The following LRRTM4 variants were observed in gnomAD, a reference collection of about 807,000 sequenced individuals.
LRRTM4 encodes leucine-rich repeat transmembrane neuronal protein 4.
In LRRTM4, 25 loss-of-function variants were observed where a neutral mutation model predicts 47.6. The ratio of observed to expected loss-of-function variants is 0.53; its 90% confidence interval spans 0.38 to 0.73. The LOEUF (loss-of-function observed/expected upper bound fraction) is 0.73. Ranked by LOEUF, LRRTM4 falls within the 30% of genes least tolerant of loss-of-function variation. The pLI, the probability that LRRTM4 is intolerant of heterozygous loss-of-function variation, is 0.00. For missense variants in LRRTM4, 638 were observed against 713.4 expected, an observed-to-expected ratio of 0.89 and a Z score of 1.20; for synonymous variants, 311 against 269.5, an observed-to-expected ratio of 1.15 and a Z score of -1.51.
At chr2:77,007,965 C>T (rs985144226) in intron 3 of LRRTM4, among the ~76,000 whole-genome samples, 1 of 151,842 alleles carries the variant, frequency 6.6e-6, no homozygotes, top group Non-Finnish European at 1.5e-5. Flanking sequence ...ACTGAAAATG[C>T]ACACTTTTAC....
At position 76,748,573 on chromosome 2, in the gene LRRTM4, T is replaced by C; in HGVS notation, c.*122A>G. 1.3e-6 allele frequency: 1 copy of C among 788,266 alleles called. No homozygotes were observed. Among genetic ancestry groups the C allele is most frequent in the Non-Finnish European group, 2.0e-6 (1 of 489,756 alleles). 48.8% of individuals were successfully genotyped at this position (788,266 alleles called of 1,614,324 possible). A position where few individuals can be genotyped will look rare whatever the true frequency, so the allele number is the denominator to read the frequency against. On this transcript the variant is annotated 3_prime_UTR_variant, in exon 4 of 4. Coordinates refer to ENST00000409884, the MANE Select transcript of LRRTM4 (RefSeq NM_001134745.3). Reference sequence around the variant, plus strand: ...TTCTCTTTTTCTTTTCTCTATGCCATAAATGTTTTAACAGGAACGATGAGC... The same window carrying C: ...TTCTCTTTTTCTTTTCTCTATGCCACAAATGTTTTAACAGGAACGATGAGC...
chr2:77,513,443 G>A (rs904693020), intron 3 of LRRTM4, among the ~76,000 whole-genome samples: 2 of 152,132 alleles, frequency 1.3e-5, no homozygotes, highest in African/African-American at 2.4e-5. Flanking sequence ...ACAGAGAAAC[G>A]AAGTGACAAG....
At chr2:77,356,467 G>A (rs1356666890) in intron 3 of LRRTM4, among the ~76,000 whole-genome samples, 1 of 152,066 alleles carries the variant, frequency 6.6e-6, no homozygotes, top group Non-Finnish European at 1.5e-5. Context: ...CTCAGAGTTA[G>A]AAAAAATGCA....
chr2:76,829,849 A>G (rs2103889619), intron 3 of LRRTM4, among the ~76,000 whole-genome samples: 1 of 152,186 alleles, frequency 6.6e-6, no homozygotes, highest in African/African-American at 2.4e-5. Context: ...TGGAAATCAT[A>G]ACCGTCACTT....
intron 3 of LRRTM4, among the ~76,000 whole-genome samples, chr2:76,761,592 A>G (rs1673256386): frequency 6.6e-6 from 1 of 152,164 alleles, no homozygotes; most frequent in South Asian, 2.1e-4. Context: ...TTCACAATCT[A>G]TTTCTTTTCT....
intron 3 of LRRTM4, among the ~76,000 whole-genome samples, chr2:77,261,226 AAG>A (rs2104040725): frequency 6.6e-6 from 1 of 152,252 alleles, no homozygotes; most frequent in African/African-American, 2.4e-5. Context: ...GTAGTGCAGA[AAG>A]AGAAAATATG....
intron 3 of LRRTM4, among the ~76,000 whole-genome samples, chr2:77,101,153 A>C (rs1252148182): frequency 2.6e-5 from 4 of 152,132 alleles, no homozygotes; most frequent in Admixed American, 6.6e-5. Flanking sequence ...TAGACTATAT[A>C]CAAAAATATT....
In LRRTM4 at chr2:77,052,716, G is replaced by A. The variant is rs899121402; in HGVS notation, c.1552-303800C>T. Among the ~76,000 whole-genome samples, 17 of 148,458 alleles carry A rather than the reference G, an allele frequency of 1.1e-4. 1 individual carries two copies. The highest frequency in any genetic ancestry group is 5.3e-4 in the Admixed American group (8 of 14,990). On this transcript the variant is annotated intron_variant, in intron 3 of 3. Coordinates refer to ENST00000409884, the MANE Select transcript of LRRTM4 (RefSeq NM_001134745.3). ...TTATTACAAGAACGTGTTTGTGTGC[G>A]TAGGGGTGTGTGTGTGTGTGCAAGT... is the stretch of plus-strand genomic sequence containing the variant.
At chr2:77,066,340 G>A (rs891679142) in intron 3 of LRRTM4, among the ~76,000 whole-genome samples, 6 of 152,126 alleles carry the variant, frequency 3.9e-5, no homozygotes, top group Non-Finnish European at 7.4e-5. Context: ...AAGGGACTTA[G>A]GACAACAGTG....
intron 3 of LRRTM4, among the ~76,000 whole-genome samples, chr2:76,780,244 G>A (rs1260468062): frequency 6.6e-6 from 1 of 152,100 alleles, no homozygotes; most frequent in African/African-American, 2.4e-5. Flanking sequence ...TTGTCTTGGA[G>A]TTGCTCTTCT....
intron 3 of LRRTM4, among the ~76,000 whole-genome samples, chr2:76,767,833 C>T (rs1380694426): frequency 2.0e-5 from 3 of 152,100 alleles, no homozygotes; most frequent in Non-Finnish European, 4.4e-5. Context: ...TCTCTGGCAC[C>T]TAAATGTTAA....
chr2:77,501,855 G>T (rs72923926), intron 3 of LRRTM4, among the ~76,000 whole-genome samples: 1 of 151,156 alleles, frequency 6.6e-6, no homozygotes, highest in African/African-American at 2.4e-5. Flanking sequence ...ATAAGAAATT[G>T]CATGTGTCAC....
rs538174968 is a variant in LRRTM4 at position 76,793,455 on chromosome 2, A to G, written c.1552-44539T>C. ...AAAGAATCAAGTATTTTTTTTTCAG[A>G]CTGACTTTGTTCTATCTACTTTAAG... On this transcript the variant is annotated intron_variant, in intron 3 of 3. Coordinates refer to ENST00000409884, the MANE Select transcript of LRRTM4 (RefSeq NM_001134745.3). Among the ~76,000 whole-genome samples, 6 of 152,016 alleles carry G rather than the reference A, an allele frequency of 3.9e-5. No homozygotes were observed. In the East Asian group the frequency reaches 9.7e-4, roughly 24 times the overall value.
chr2:76,837,705 G>C (rs1263262843), intron 3 of LRRTM4, among the ~76,000 whole-genome samples: 1 of 152,118 alleles, frequency 6.6e-6, no homozygotes, highest in Non-Finnish European at 1.5e-5. Context: ...AACAATGATA[G>C]ACTGGATTAA....
chr2:77,081,973 AAG>A (rs1680548699), intron 3 of LRRTM4, among the ~76,000 whole-genome samples: 1 of 152,090 alleles, frequency 6.6e-6, no homozygotes, highest in African/African-American at 2.4e-5. Flanking sequence ...TTTCATCACA[AAG>A]AGATTACTGT....
Position 76,833,873 on chromosome 2 carries a change from A to G in LRRTM4, c.1552-84957T>C, listed in dbSNP as rs1013073243. 3.3e-5 allele frequency among the ~76,000 whole-genome samples: 5 copies of G among 151,684 alleles called. No homozygotes were observed. In the East Asian group the frequency reaches 9.6e-4, roughly 29 times the overall value. On this transcript the variant is annotated intron_variant, in intron 3 of 3. Transcript: ENST00000409884. ...TATTTAATCACAAATAATGAAGACA[A>G]TTTATGTATTTTCTATCTTAACTTT...
intron 3 of LRRTM4, among the ~76,000 whole-genome samples, chr2:76,969,988 C>G (rs1485229353): frequency 6.6e-6 from 1 of 151,898 alleles, no homozygotes; most frequent in Non-Finnish European, 1.5e-5. Context: ...AACTTCAAAT[C>G]AGAAACAATT....
At position 76,765,314 on chromosome 2, in the gene LRRTM4, G is replaced by C. The variant is rs146261938; in HGVS notation, c.1552-16398C>G. Among the ~76,000 whole-genome samples, 10 of 152,246 alleles carry C rather than the reference G, an allele frequency of 6.6e-5. No individual in the cohort carries two copies. The East Asian group carries it at 1.9e-3, about 29-fold the overall frequency. On this transcript the variant is annotated intron_variant, in intron 3 of 3. Coordinates refer to ENST00000409884, the MANE Select transcript of LRRTM4 (RefSeq NM_001134745.3). ...CCATTCTCACCTATATCTGATTTAA[G>C]TGATATTATTTGAGAGTTTGGAGTT...
At chr2:77,000,801 C>CTT (rs140188864) in intron 3 of LRRTM4, among the ~76,000 whole-genome samples, 21,239 of 151,906 alleles carry the variant, frequency 0.14, 1,585 homozygotes, top group Admixed American at 0.2. Context: ...AGGAAGATTC[C>CTT]TTTTTTTCTT....
Sources: gnomAD v4.1 joint callset for allele counts (sites outside exome capture counted in the v4.1 genomes callset) on GRCh38, gnomAD v4.1.1 for gene constraint, MANE v1.5 for transcripts, NCBI Gene and HGNC (gene_info 2026-07-23, HGNC 2026-07-21) for gene names.